The following ADAMTS17 variants were observed in gnomAD, a reference collection of about 807,000 sequenced individuals.
The protein encoded by ADAMTS17 is A disintegrin and metalloproteinase with thrombospondin motifs 17.
Under a neutral mutation model 141.5 loss-of-function variants are expected in ADAMTS17, and 113 were observed. That is an observed-to-expected ratio of 0.80 (90% confidence interval 0.69 to 0.93). ADAMTS17 has a LOEUF of 0.93. Ranked by LOEUF, ADAMTS17 falls within the 40% of genes least tolerant of loss-of-function variation. The pLI is 0.00. For synonymous variants in ADAMTS17, 768 were observed against 630.6 expected, an observed-to-expected ratio of 1.22 and a Z score of -3.27; for missense variants, 1,659 against 1,517.9, an observed-to-expected ratio of 1.09 and a Z score of -1.54.
At chr15:100,311,441 C>T (rs551552071) in intron 3 of ADAMTS17, among the ~76,000 whole-genome samples, 113 of 152,232 alleles carry the variant, frequency 7.4e-4, no homozygotes, top group Non-Finnish European at 1.2e-3. Flanking sequence ...TGGACAGCCC[C>T]AGCCAGTGTG....
At chr15:100,330,302 C>G (rs370646953) in intron 3 of ADAMTS17, among the ~76,000 whole-genome samples, 84 of 152,316 alleles carry the variant, frequency 5.5e-4, no homozygotes, top group African/African-American at 1.8e-3. Context: ...AGCAGTGGTT[C>G]TCACACTTTA....
chr15:100,059,672 T>C (rs1211384322), intron 15 of ADAMTS17, among the ~76,000 whole-genome samples: 3 of 152,138 alleles, frequency 2.0e-5, no homozygotes, highest in East Asian at 1.9e-4. Context: ...CCAAGAACAA[T>C]GACTTCATGG....
chr15:100,309,485 A>T (rs1298834760), intron 3 of ADAMTS17, among the ~76,000 whole-genome samples: 1 of 152,174 alleles, frequency 6.6e-6, no homozygotes, highest in Non-Finnish European at 1.5e-5. Context: ...GGATTTCGAG[A>T]CAGGACTCAA....
intron 15 of ADAMTS17, among the ~76,000 whole-genome samples, chr15:100,085,196 G>A (rs555574689): frequency 6.6e-6 from 1 of 152,262 alleles, no homozygotes; most frequent in Admixed American, 6.5e-5. Context: ...CGTGACAAAT[G>A]CACAAGGCCT....
At chr15:100,184,295 C>A (rs879629532) in intron 8 of ADAMTS17, among the ~76,000 whole-genome samples, 1 of 150,652 alleles carries the variant, frequency 6.6e-6, no homozygotes, top group Non-Finnish European at 1.5e-5. Flanking sequence ...GTGGAAAGCT[C>A]CAGGCTGCAG....
chr15:100,010,538 G>A (rs568575544), intron 18 of ADAMTS17, among the ~76,000 whole-genome samples: 1 of 152,192 alleles, frequency 6.6e-6, no homozygotes. Flanking sequence ...GCTGTGGCAG[G>A]AGCTGGCCAG....
chr15:100,205,923 C>T (rs1025986916), intron 7 of ADAMTS17, among the ~76,000 whole-genome samples: 4 of 152,158 alleles, frequency 2.6e-5, no homozygotes, highest in Non-Finnish European at 5.9e-5. Context: ...CAGGTCTGGC[C>T]CCTCCAGAGG....
Position 100,292,206 on chromosome 15 carries a change from CACGCTCACCCCGTGGGGAATCACGAGAG to C in ADAMTS17, c.617-10833_617-10806del, listed in dbSNP as rs1340755762. Among the ~76,000 whole-genome samples the C allele has an allele frequency of 6.3e-3, 646 of 101,834 alleles. 7 individuals are homozygous for C. The highest frequency in any genetic ancestry group is 7.4e-3 in the Non-Finnish European group (361 of 49,054). 66.8% of individuals were successfully genotyped at this position (101,834 alleles called of 152,430 possible). A position where few individuals can be genotyped will look rare whatever the true frequency, so the allele number is the denominator to read the frequency against. ...GCTCACCCCGTGGGGAATCACGAGA[CACGCTCACCCCGTGGGGAATCACGAGAG>C]ACGCTCACCCCGTGAGAAACTATGA... On this transcript the variant is annotated intron_variant, in intron 3 of 21. Transcript: ENST00000268070.
chr15:100,057,424 C>T (rs1318837104), intron 15 of ADAMTS17, among the ~76,000 whole-genome samples: 2 of 152,136 alleles, frequency 1.3e-5, no homozygotes, highest in Admixed American at 6.5e-5. Flanking sequence ...CAGAGGGAAG[C>T]CAGGCAGCTG....
At chr15:100,133,925 G>A (rs1396307041) in intron 10 of ADAMTS17, among the ~76,000 whole-genome samples, 1 of 152,170 alleles carries the variant, frequency 6.6e-6, no homozygotes. Context: ...TTTACCTACA[G>A]AACTTCCAGA....
At chr15:100,286,985 C>G (rs990522719) in intron 3 of ADAMTS17, among the ~76,000 whole-genome samples, 7 of 152,286 alleles carry the variant, frequency 4.6e-5, no homozygotes, top group African/African-American at 4.8e-5. Context: ...GTCAAGAGAT[C>G]GAGACCATCC....
intron 7 of ADAMTS17, among the ~76,000 whole-genome samples, chr15:100,213,881 T>C (rs544879869): frequency 4.8e-4 from 73 of 152,370 alleles, no homozygotes; most frequent in African/African-American, 1.7e-3. Flanking sequence ...GAGGGTCAGA[T>C]AGAGGTGCTG....
chr15:100,161,184 A>G (rs1301225361), intron 8 of ADAMTS17, among the ~76,000 whole-genome samples: 1 of 152,138 alleles, frequency 6.6e-6, no homozygotes, highest in African/African-American at 2.4e-5. Context: ...GGGAGACACA[A>G]AGCACACCGT....
chr15:100,068,600 C>A (rs764524810), intron 15 of ADAMTS17, among the ~76,000 whole-genome samples: 2 of 152,232 alleles, frequency 1.3e-5, no homozygotes, highest in Non-Finnish European at 2.9e-5. Flanking sequence ...TCACCAATAT[C>A]CGTTGTTCTG....
intron 8 of ADAMTS17, among the ~76,000 whole-genome samples, chr15:100,194,849 G>A (rs1216028481): frequency 6.6e-6 from 1 of 152,140 alleles, no homozygotes; most frequent in Non-Finnish European, 1.5e-5. Context: ...TCCTGTCTTA[G>A]CAAGGATCAG....
At chr15:100,079,976 T>C (rs564592420) in intron 15 of ADAMTS17, among the ~76,000 whole-genome samples, 6 of 152,260 alleles carry the variant, frequency 3.9e-5, no homozygotes, top group African/African-American at 1.4e-4. Context: ...GCCAACTAGG[T>C]GACAACACTT....
chr15:100,178,957 T>A (rs932210520), intron 8 of ADAMTS17, among the ~76,000 whole-genome samples: 4 of 152,200 alleles, frequency 2.6e-5, no homozygotes, highest in Admixed American at 6.5e-5. Context: ...TTCCCAATTT[T>A]TTTTTCCTAA....
chr15:100,105,186 G>A (rs1198958715), intron 14 of ADAMTS17, among the ~76,000 whole-genome samples: 1 of 152,218 alleles, frequency 6.6e-6, no homozygotes, highest in Non-Finnish European at 1.5e-5. Flanking sequence ...CTGCCTGGAG[G>A]CAGCGGGTTA....
At chr15:100,234,039 T>G (rs2042575700) in intron 7 of ADAMTS17, among the ~76,000 whole-genome samples, 1 of 152,016 alleles carries the variant, frequency 6.6e-6, no homozygotes, top group South Asian at 2.1e-4. Flanking sequence ...GCCTGTCATG[T>G]AAGAAAAAAC....
Sources: allele counts gnomAD v4.1 joint callset (sites outside exome capture counted in the v4.1 genomes callset), GRCh38; gene constraint gnomAD v4.1.1; transcripts MANE v1.5; gene names NCBI Gene and HGNC (gene_info 2026-07-23, HGNC 2026-07-21).